The following KANSL1 variants were observed in gnomAD, a reference collection of about 807,000 sequenced individuals.
KANSL1 encodes KAT8 regulatory NSL complex subunit 1.
In KANSL1, 22 loss-of-function variants were observed where a neutral mutation model predicts 103.6. The observed-to-expected ratio is 0.21, with a 90% CI of 0.15 to 0.30. KANSL1 has a LOEUF of 0.30. Ranked by LOEUF, KANSL1 falls within the 10% of genes least tolerant of loss-of-function variation. The pLI, the probability that KANSL1 is intolerant of heterozygous loss-of-function variation, is 1.00. For missense variants in KANSL1, 1,337 were observed against 1,399.8 expected (o/e 0.96, Z 0.72); for synonymous variants, 600 against 527.6 (o/e 1.14, Z -1.88).
chr17:46,104,018 ACT>A (rs1352275579), intron 2 of KANSL1, among the ~76,000 whole-genome samples: 9 of 152,232 alleles, frequency 5.9e-5, no homozygotes, highest in Admixed American at 2.0e-4. Flanking sequence ...ACAGAGTGAG[ACT>A]CTGTCTCAAA....
At chr17:46,089,875 T>C (rs1354135955) in intron 3 of KANSL1, among the ~76,000 whole-genome samples, 3 of 152,216 alleles carry the variant, frequency 2.0e-5, no homozygotes, top group Non-Finnish European at 4.4e-5. Flanking sequence ...CAAAAACTTC[T>C]ATTAATTATA....
chr17:46,033,850 G>C (rs1246250078), intron 11 of KANSL1, among the ~76,000 whole-genome samples: 2 of 152,230 alleles, frequency 1.3e-5, no homozygotes, highest in Non-Finnish European at 2.9e-5. Context: ...AGATTTTTAT[G>C]TGAAATCCTG....
intron 2 of KANSL1, among the ~76,000 whole-genome samples, chr17:46,131,645 C>T (rs1424242063): frequency 6.6e-6 from 1 of 152,164 alleles, no homozygotes; most frequent in Non-Finnish European, 1.5e-5. Context: ...AGACAAGCTC[C>T]ACATCCTCAA....
At chr17:46,096,459 T>G (rs1248774012) in intron 2 of KANSL1, among the ~76,000 whole-genome samples, 2 of 151,792 alleles carry the variant, frequency 1.3e-5, no homozygotes, top group Non-Finnish European at 2.9e-5. Flanking sequence ...CAGCTGGGAT[T>G]ACAGGCATGC....
At chr17:46,212,891 T>C (rs2048207566) in intron 1 of KANSL1, among the ~76,000 whole-genome samples, 1 of 152,256 alleles carries the variant, frequency 6.6e-6, no homozygotes, top group Non-Finnish European at 1.5e-5. Flanking sequence ...AAAGAGTATG[T>C]CATTTAATCT....
intron 1 of KANSL1, among the ~76,000 whole-genome samples, chr17:46,183,919 CAAAA>C (rs1170223609): frequency 1.3e-5 from 2 of 152,100 alleles, no homozygotes; most frequent in Admixed American, 6.5e-5. Context: ...TCCAAAAAAA[CAAAA>C]AGAAAGAAAT....
intron 1 of KANSL1, among the ~76,000 whole-genome samples, chr17:46,209,456 C>T (rs888326258): frequency 6.6e-6 from 1 of 152,160 alleles, no homozygotes; most frequent in African/African-American, 2.4e-5. Flanking sequence ...TGTCAGATGT[C>T]AGGTAGTCAT....
At chr17:46,101,651 G>C (rs1429566741) in intron 2 of KANSL1, among the ~76,000 whole-genome samples, 1 of 150,688 alleles carries the variant, frequency 6.6e-6, no homozygotes, top group East Asian at 1.9e-4. Context: ...CTACTCAGGA[G>C]GCTGAGGCAG....
chr17:46,171,498 C>G lies in KANSL1; in HGVS notation c.646G>C (p.Asp216His). ...TNCTLPHRSLDVEHTTLYSNN... is the reference protein window; with the variant it reads ...TNCTLPHRSLHVEHTTLYSNN... ...CTATACAAAGTTGTGTGTTCTACAT[C>G]AAGGCTTCTATGTGGAAGAGTGCAA... Residue 216 changes from aspartate to histidine, a missense_variant, in exon 2 of 15, where the codon GAT (aspartate) becomes CAT (histidine). Asp to His is a moderately conservative substitution (Grantham distance 81). This residue lies in a region of KANSL1 where 557 missense variants were observed against 476.4 expected (regional missense o/e 1.17). Transcript: ENST00000432791. 6.2e-7 allele frequency: 1 copy of G among 1,614,080 alleles called. No homozygotes were observed.
chr17:46,158,156 G>A (rs979377715), intron 2 of KANSL1, among the ~76,000 whole-genome samples: 1 of 152,214 alleles, frequency 6.6e-6, no homozygotes, highest in African/African-American at 2.4e-5. Context: ...ACATTTGACG[G>A]TGCAAAAAGC....
intron 2 of KANSL1, among the ~76,000 whole-genome samples, chr17:46,116,100 C>T (rs1399737496): frequency 3.9e-5 from 6 of 152,178 alleles, no homozygotes; most frequent in Non-Finnish European, 5.9e-5. Flanking sequence ...GAAAAACTTA[C>T]GACAGAGTGA....
intron 2 of KANSL1, among the ~76,000 whole-genome samples, chr17:46,097,582 G>A (rs191273150): frequency 2.6e-5 from 4 of 152,274 alleles, no homozygotes; most frequent in Non-Finnish European, 4.4e-5. Flanking sequence ...AAACAAAGAT[G>A]GAAATGTGAC....
intron 4 of KANSL1, among the ~76,000 whole-genome samples, chr17:46,069,602 G>T (rs1362116178): frequency 4.6e-5 from 7 of 151,894 alleles, no homozygotes; most frequent in Admixed American, 4.6e-4. Context: ...AAATTAGTTG[G>T]GCATGGTGGC....
At chr17:46,045,449 A>ATATATATATATATATATATC (rs1451516775) in intron 7 of KANSL1, 2 of 151,770 alleles carry the variant, frequency 1.3e-5, no homozygotes, top group African/African-American at 2.4e-5. Flanking sequence ...AAATATATAT[A>ATATATATATATATATATATC]TATCTCCACA....
chr17:46,172,945 C>A (rs2046358531), intron 1 of KANSL1, among the ~76,000 whole-genome samples: 1 of 152,170 alleles, frequency 6.6e-6, no homozygotes, highest in Admixed American at 6.5e-5. Flanking sequence ...TTTCCCTTTA[C>A]CCCAAAACTT....
intron 2 of KANSL1, among the ~76,000 whole-genome samples, chr17:46,135,730 CA>C (rs1447733629): frequency 8.2e-6 from 1 of 122,032 alleles, no homozygotes; most frequent in Admixed American, 1.1e-4. Flanking sequence ...TTGGTAGCGA[CA>C]GGGGCCTGCT....
chr17:46,096,381 G>A (rs1199741837), intron 2 of KANSL1, among the ~76,000 whole-genome samples: 9 of 141,268 alleles, frequency 6.4e-5, no homozygotes, highest in Admixed American at 3.0e-4. Flanking sequence ...GTGCAATGGC[G>A]CAATCTTGGC....
chr17:46,090,556 A>G (rs1238294060), intron 3 of KANSL1, among the ~76,000 whole-genome samples: 1 of 152,262 alleles, frequency 6.6e-6, no homozygotes, highest in Non-Finnish European at 1.5e-5. Flanking sequence ...CAGAAATGTT[A>G]AGTGACTTTT....
intron 1 of KANSL1, among the ~76,000 whole-genome samples, chr17:46,181,128 G>C (rs2046770700): frequency 6.6e-6 from 1 of 152,228 alleles, no homozygotes; most frequent in Non-Finnish European, 1.5e-5. Context: ...GAAATGTGAA[G>C]GGGCCAGTCT....
Sources: gnomAD v4.1 joint callset for allele counts (sites outside exome capture counted in the v4.1 genomes callset) on GRCh38, gnomAD v4.1.1 for gene constraint, gnomAD v4.1.1 regional missense constraint, MANE v1.5 for transcripts, NCBI Gene and HGNC (gene_info 2026-07-23, HGNC 2026-07-21) for gene names.